The following ZC3H4 variants were observed in gnomAD, a reference collection of about 807,000 sequenced individuals.
ZC3H4 encodes the protein zinc finger CCCH-type containing 4.
ZC3H4 carries 13 observed loss-of-function variants against 108.3 expected under a neutral mutation model. The ratio of observed to expected loss-of-function variants is 0.12; its 90% CI spans 0.08 to 0.19. The LOEUF (loss-of-function observed/expected upper bound fraction) is 0.19. ZC3H4 is among the 10% of genes least tolerant of loss of function. The probability of loss-of-function intolerance (pLI) is 1.00; values close to 1 mark genes in which losing one functional copy is unlikely to be tolerated. For synonymous variants in ZC3H4, 917 were observed against 749.6 expected, an observed-to-expected ratio of 1.22 and a Z score of -3.65; for missense variants, 1,734 against 1,838.8, an observed-to-expected ratio of 0.94 and a Z score of 1.04.
intron 14 of ZC3H4, among the ~76,000 whole-genome samples, chr19:47,068,833 T>C (rs2057269452): frequency 6.6e-6 from 1 of 152,100 alleles, no homozygotes; most frequent in South Asian, 2.1e-4. Flanking sequence ...TTGGCCACTG[T>C]CTCCTCCAGG....
At chr19:47,086,301 TCA>T in intron 6 of ZC3H4, 81 bp downstream of exon 6, 2 of 1,558,552 alleles carry the variant, frequency 1.3e-6, no homozygotes, top group Non-Finnish European at 1.7e-6. Flanking sequence ...TACCTTGGCC[TCA>T]CAGCCTCTAC....
chr19:47,112,679 G>A (rs1317172214), intron 1 of ZC3H4, 90 bp from the exon 2 acceptor site: 8 of 728,146 alleles, frequency 1.1e-5, no homozygotes, highest in African/African-American at 3.6e-5. Context: ...CTCCTGATGG[G>A]AATGGGGTAT....
chr19:47,110,868 GA>G (rs545206510), intron 2 of ZC3H4: 349 of 908,620 alleles, frequency 3.8e-4, no homozygotes, highest in Middle Eastern at 5.6e-4. Flanking sequence ...GAACAAAACA[GA>G]AAAAAAAAAT....
rs960921656 is a variant in ZC3H4 at position 47,072,986 on chromosome 19, G to A, written c.1441-273C>T. Among the ~76,000 whole-genome samples the A allele has an allele frequency of 2.6e-5, 4 of 152,244 alleles. No homozygotes were observed. The highest frequency in any genetic ancestry group is 4.4e-5 in the Non-Finnish European group (3 of 68,018). ...TACTGTTTAACCATTTAAAGTGAAC[G>A]ATTCAGCTGGGCGCAGGGACTCACA... On this transcript the variant is annotated intron_variant, in intron 11 of 14. Transcript: ENST00000253048. This position sits in a 1 kb window ranked among gnomAD's most constrained non-coding sequence, Gnocchi z 5.6.
chr19:47,105,050 G>A (rs2057950916), intron 2 of ZC3H4, among the ~76,000 whole-genome samples: 1 of 152,152 alleles, frequency 6.6e-6, no homozygotes, highest in Non-Finnish European at 1.5e-5. Context: ...GTGGAACGCA[G>A]GGAGAATGGA....
Position 47,072,875 on chromosome 19 carries a change from C to T in ZC3H4, c.1441-162G>A, listed in dbSNP as rs191608558. ...ATGGCTCTGTAACAAAAATCATCAT[C>T]AGCCACCTCTCTGCTCCACTCTCGG... On this transcript the variant is annotated intron_variant, in intron 11 of 14. Coordinates refer to ENST00000253048, the MANE Select transcript of ZC3H4 (RefSeq NM_015168.2). This position sits in a 1 kb window ranked among gnomAD's most constrained non-coding sequence, Gnocchi z 5.6. Among the ~76,000 whole-genome samples the T allele has an allele frequency of 4.5e-4, 69 of 152,248 alleles. No individual in the cohort carries two copies. The highest frequency in any genetic ancestry group is 1.6e-3 in the African/African-American group (67 of 41,562).
At chr19:47,081,463 C>T (rs375851522) in intron 11 of ZC3H4, 50 bp downstream of exon 11, 14 of 1,425,730 alleles carry the variant, frequency 9.8e-6, no homozygotes, top group East Asian at 2.3e-5. Context: ...CAATGGAGTG[C>T]GCATGTCCCA....
At position 47,066,757 on chromosome 19, in the gene ZC3H4, G is replaced by A. The variant is rs1168163775; in HGVS notation, c.3511C>T (p.Pro1171Ser). ...TTGCCATTGCCCTCAGCACCCTTGG[G>A]CTGGGCACCCGTGTCAGCAGCCGGC... is the stretch of plus-strand genomic sequence containing the variant. ...TEPAADTGAQ[P>S]KGAEGNGKSS... The change falls in exon 15 of 15, where the codon CCC becomes TCC. Residue 1171 changes from proline to serine, a missense_variant. Physicochemically the swap from Pro to Ser is moderately conservative, Grantham distance 74. Transcript: ENST00000253048. 6.2e-7 allele frequency: 1 copy of A among 1,604,210 alleles called. No homozygotes were observed. The highest frequency in any genetic ancestry group is 1.7e-5 in the Admixed American group (1 of 59,520).
chr19:47,112,649 G>C (rs1323266033), intron 1 of ZC3H4, 60 bp from the exon 2 acceptor site: 5 of 1,147,688 alleles, frequency 4.4e-6, no homozygotes, highest in Non-Finnish European at 5.5e-6. Flanking sequence ...GGCGGGAGGG[G>C]CACACTTAAG....
intron 1 of ZC3H4, 43 bp from the exon 2 acceptor site, chr19:47,112,632 T>G (rs940327197): frequency 1.1e-5 from 13 of 1,213,516 alleles, no homozygotes; most frequent in Non-Finnish European, 1.0e-5. Flanking sequence ...AAGGACTGCT[T>G]GGGCGTGGCG....
chr19:47,072,547 G>A lies in ZC3H4; in HGVS notation c.1607C>T (p.Pro536Leu). 1.3e-6 allele frequency: 2 copies of A among 1,525,748 alleles called. No individual in the cohort carries two copies. The highest frequency in any genetic ancestry group is 1.8e-6 in the Non-Finnish European group (2 of 1,138,004). 94.5% of individuals were successfully genotyped at this position (1,525,748 alleles called of 1,614,324 possible). ...CGGGGGCGGGGGGCCACCCTGCATGGGCCTGCCGTTGGGAGAGGTTGGAGC... is the reference window on the plus strand; with the variant it reads ...CGGGGGCGGGGGGCCACCCTGCATGAGCCTGCCGTTGGGAGAGGTTGGAGC... Reference protein sequence around the residue: ...PQAPTSPNGRPMQGGPPPPPP... With the variant: ...PQAPTSPNGRLMQGGPPPPPP... Residue 536 changes from proline (P) to leucine (L), a missense_variant, in exon 12 of 15, where the codon CCC becomes CTC. Pro to Leu is a moderately conservative substitution (Grantham distance 98, BLOSUM62 -3). Transcript: ENST00000253048. This position sits in a 1 kb window ranked among gnomAD's most constrained non-coding sequence, Gnocchi z 5.6.
intron 2 of ZC3H4, among the ~76,000 whole-genome samples, chr19:47,099,798 G>A (rs897587570): frequency 6.9e-6 from 1 of 144,836 alleles, no homozygotes; most frequent in South Asian, 2.2e-4. Flanking sequence ...AGGGTTTATG[G>A]ATCAACCTGG....
chr19:47,111,946 G>C (rs1296807787), intron 2 of ZC3H4, among the ~76,000 whole-genome samples: 3 of 152,122 alleles, frequency 2.0e-5, no homozygotes, highest in African/African-American at 7.2e-5. Context: ...CGGGGCTGTT[G>C]TTCGAGATCC....
intron 2 of ZC3H4, among the ~76,000 whole-genome samples, chr19:47,099,813 C>T (rs1332713966): frequency 1.3e-5 from 1 of 75,130 alleles, no homozygotes; most frequent in Non-Finnish European, 2.5e-5. Flanking sequence ...ACCTGGTTTA[C>T]AAGAGTTTAA....
chr19:47,107,600 C>A (rs973233024), intron 2 of ZC3H4, among the ~76,000 whole-genome samples: 4 of 151,180 alleles, frequency 2.6e-5, no homozygotes, highest in Middle Eastern at 3.2e-3. Context: ...TTATGCAGAC[C>A]AGTTTGGCCA....
In ZC3H4 at chr19:47,065,643, C is replaced by T. The variant is rs1189149947; in HGVS notation, c.*713G>A. 1 of 152,996 alleles carries T rather than the reference C, an allele frequency of 6.5e-6. No homozygotes were observed. Among genetic ancestry groups the T allele is most frequent in the Non-Finnish European group, 1.5e-5 (1 of 68,352 alleles). The allele number at this position is 152,996 out of a possible 1,614,324, so 9.5% of individuals were successfully genotyped here. ...CCCCACTACCTTTGGGTCCAGTTCT[C>T]ACTGTGGAGGCTTCTGCTGCAGGCT... On this transcript the variant is annotated 3_prime_UTR_variant, in exon 15 of 15. Transcript: ENST00000253048.
intron 11 of ZC3H4, among the ~76,000 whole-genome samples, chr19:47,077,713 C>T (rs1568540725): frequency 6.6e-6 from 1 of 151,840 alleles, no homozygotes; most frequent in African/African-American, 2.4e-5. Context: ...AAAAATGAGC[C>T]GGGCGTGATG....
rs2057527426 is a variant in ZC3H4, at chr19:47,081,754, C to T, written c.1331-132G>A. ...GAGCCCAGAGAGGTGAGGCGATGTG[C>T]TAAGGGCTGCTCAGTGGGTTGGCAG... On this transcript the variant is annotated intron_variant, in intron 10 of 14. Transcript: ENST00000253048. The T allele has an allele frequency of 5.2e-6, 4 of 769,408 alleles. No homozygotes were observed. In the South Asian group the frequency reaches 6.5e-5, roughly 12 times the overall value. 47.7% of individuals were successfully genotyped at this position (769,408 alleles called of 1,614,324 possible).
At chr19:47,099,226 G>A (rs918847258) in intron 2 of ZC3H4, among the ~76,000 whole-genome samples, 4 of 152,218 alleles carry the variant, frequency 2.6e-5, no homozygotes, top group South Asian at 2.1e-4. Context: ...TTGGGAGGCC[G>A]AGGTGGGCGG....
Sources: gnomAD v4.1 joint callset for allele counts (sites outside exome capture counted in the v4.1 genomes callset) on GRCh38, gnomAD v4.1.1 for gene constraint, Gnocchi (gnomAD v3.1) non-coding constraint, MANE v1.5 for transcripts, NCBI Gene and HGNC (gene_info 2026-07-23, HGNC 2026-07-21) for gene names.